The following EDIL3 variants were observed in gnomAD, a reference collection of about 807,000 sequenced individuals.
EDIL3 encodes EGF-like repeat and discoidin I-like domain-containing protein 3.
In EDIL3, 37 loss-of-function variants were observed where a neutral mutation model predicts 67.4. That is an observed-to-expected ratio of 0.55 (90% CI 0.42 to 0.72). The LOEUF (loss-of-function observed/expected upper bound fraction) is 0.72, where lower values mean the gene tolerates loss of function less well. EDIL3 is among the 30% of genes least tolerant of loss of function. The probability of loss-of-function intolerance (pLI) is 0.00; values close to 1 mark genes in which losing one functional copy is unlikely to be tolerated. For synonymous variants in EDIL3, 195 were observed against 196.3 expected (o/e 0.99, Z 0.05); for missense variants, 527 against 586.3 (o/e 0.90, Z 1.04).
At chr5:83,984,125 T>A (rs2112152014) in intron 9 of EDIL3, among the ~76,000 whole-genome samples, 1 of 151,912 alleles carries the variant, frequency 6.6e-6, no homozygotes. Flanking sequence ...AACAGGAAGT[T>A]AAGAATGTCT....
At chr5:84,176,677 A>T (rs1189251290) in intron 4 of EDIL3, among the ~76,000 whole-genome samples, 1 of 151,954 alleles carries the variant, frequency 6.6e-6, no homozygotes, top group East Asian at 1.9e-4. Flanking sequence ...GCTTTTCAAA[A>T]GTTTGACCTG....
intron 10 of EDIL3, among the ~76,000 whole-genome samples, chr5:83,954,305 C>G (rs1744473187): frequency 1.3e-5 from 2 of 151,432 alleles, no homozygotes; most frequent in South Asian, 4.2e-4. Context: ...GATATTTGTC[C>G]CCTCCAAATC....
intron 1 of EDIL3, among the ~76,000 whole-genome samples, chr5:84,297,645 C>T (rs1017980602): frequency 6.6e-6 from 1 of 152,116 alleles, no homozygotes; most frequent in Non-Finnish European, 1.5e-5. Flanking sequence ...GGCTGAGAAG[C>T]CCCCGAGCTC....
rs376228855 is a variant in EDIL3, at chr5:84,146,502, G to A, written c.356-9148C>T. Among the ~76,000 whole-genome samples the A allele has an allele frequency of 4.6e-5, 7 of 152,188 alleles. No homozygotes were observed. The East Asian group carries it at 7.7e-4, about 17-fold the overall frequency. On this transcript the variant is annotated intron_variant, in intron 4 of 10. Coordinates refer to ENST00000296591, the MANE Select transcript of EDIL3 (RefSeq NM_005711.5). ...AACACATAGTCCTTGTTCTCAAAAC[G>A]TTGATAATAACCTAATATTGGCATT...
At chr5:84,096,936 GCT>G (rs1747275399) in intron 6 of EDIL3, among the ~76,000 whole-genome samples, 1 of 152,138 alleles carries the variant, frequency 6.6e-6, no homozygotes, top group Non-Finnish European at 1.5e-5. Context: ...CCCTGCACAA[GCT>G]CTCTCTCTTT....
At chr5:84,219,897 C>T (rs1381567421) in intron 3 of EDIL3, among the ~76,000 whole-genome samples, 3 of 151,662 alleles carry the variant, frequency 2.0e-5, no homozygotes, top group Non-Finnish European at 1.5e-5. Context: ...CACTTATTTA[C>T]AGGAGCACTT....
chr5:84,049,664 A>G (rs1400241945), intron 9 of EDIL3, among the ~76,000 whole-genome samples: 1 of 152,176 alleles, frequency 6.6e-6, no homozygotes, highest in Non-Finnish European at 1.5e-5. Flanking sequence ...TGAAAGTTAA[A>G]AACTAAAATT....
chr5:84,346,728 G>A (rs1228918764), intron 1 of EDIL3, among the ~76,000 whole-genome samples: 1 of 152,142 alleles, frequency 6.6e-6, no homozygotes, highest in Non-Finnish European at 1.5e-5. Flanking sequence ...CTAACTGCAG[G>A]ATTTTTGTGA....
chr5:84,203,597 T>C (rs1303695419), intron 3 of EDIL3, among the ~76,000 whole-genome samples: 5 of 152,196 alleles, frequency 3.3e-5, no homozygotes, highest in African/African-American at 7.2e-5. Context: ...AGGGAAATCC[T>C]GAATTAGAAT....
Position 84,162,615 on chromosome 5 carries a change from C to A in EDIL3, c.355+17778G>T, listed in dbSNP as rs570534943. On this transcript the variant is annotated intron_variant, in intron 4 of 10. Transcript: ENST00000296591. ...CTGCCTTCTTTTATGGGCCTTTATG[C>A]TCTGTGCCCTGGATCCCCTTGGAGC... 2.0e-5 allele frequency among the ~76,000 whole-genome samples: 3 copies of A among 152,182 alleles called. No homozygotes were observed. The South Asian group carries it at 6.2e-4, about 32-fold the overall frequency.
At chr5:83,945,359 A>G (rs1744292635) in intron 10 of EDIL3, among the ~76,000 whole-genome samples, 1 of 151,946 alleles carries the variant, frequency 6.6e-6, no homozygotes, top group Non-Finnish European at 1.5e-5. Flanking sequence ...TCTCTGACAT[A>G]TGATGTTGGA....
At chr5:84,047,519 A>G (rs1374698195) in intron 9 of EDIL3, 1 of 152,096 alleles carries the variant, frequency 6.6e-6, no homozygotes, top group Non-Finnish European at 1.5e-5. Context: ...TGTATCAATA[A>G]TTGTTACATG....
At chr5:83,984,381 G>A (rs542402243) in intron 9 of EDIL3, among the ~76,000 whole-genome samples, 53 of 152,242 alleles carry the variant, frequency 3.5e-4, no homozygotes, top group African/African-American at 1.2e-3. Flanking sequence ...GGGCATAAGA[G>A]TATGTCTTGC....
chr5:84,186,896 T>C (rs753022151), intron 3 of EDIL3, among the ~76,000 whole-genome samples: 1 of 152,064 alleles, frequency 6.6e-6, no homozygotes, highest in Non-Finnish European at 1.5e-5. Flanking sequence ...AAAAGCCTTG[T>C]AAAGAAGTTT....
intron 7 of EDIL3, among the ~76,000 whole-genome samples, chr5:84,065,896 A>G (rs994981934): frequency 1.3e-5 from 2 of 152,018 alleles, no homozygotes; most frequent in African/African-American, 4.8e-5. Context: ...CCGGTGGATA[A>G]GGAGGTCAGG....
At chr5:84,037,847 TA>T (rs1746048060) in intron 9 of EDIL3, among the ~76,000 whole-genome samples, 1 of 151,904 alleles carries the variant, frequency 6.6e-6, no homozygotes, top group African/African-American at 2.4e-5. Context: ...CACCATGAAT[TA>T]AAAAAAATTA....
At chr5:84,218,416 T>G (rs1359332369) in intron 3 of EDIL3, among the ~76,000 whole-genome samples, 1 of 152,188 alleles carries the variant, frequency 6.6e-6, no homozygotes, top group Non-Finnish European at 1.5e-5. Context: ...AAACCAATCA[T>G]TAAAGTTTAA....
intron 1 of EDIL3, among the ~76,000 whole-genome samples, chr5:84,256,827 T>C (rs996343404): frequency 1.3e-5 from 2 of 152,096 alleles, no homozygotes; most frequent in Admixed American, 1.3e-4. Flanking sequence ...TCAAAAAAAA[T>C]GATGAAGATT....
intron 1 of EDIL3, among the ~76,000 whole-genome samples, chr5:84,324,945 G>T (rs1240090650): frequency 6.6e-6 from 1 of 151,100 alleles, no homozygotes; most frequent in East Asian, 1.9e-4. Context: ...AAAATCCCTG[G>T]TGTCTTCACT....
Sources: allele counts gnomAD v4.1 joint callset (sites outside exome capture counted in the v4.1 genomes callset), GRCh38; gene constraint gnomAD v4.1.1; transcripts MANE v1.5; gene names NCBI Gene and HGNC (gene_info 2026-07-23, HGNC 2026-07-21).